SLCO2A1: variants seen among roughly 807,000 people sequenced by gnomAD.
SLCO2A1 encodes matrin F/G 1.
A neutral mutation model predicts 71.7 loss-of-function variants in SLCO2A1; 60 were observed. That is an observed-to-expected ratio of 0.84 (90% CI 0.68 to 1.04). The LOEUF is 1.04. Among genes scored for constraint, SLCO2A1 ranks in the 50% least tolerant of loss-of-function variants. The pLI is 0.00. For missense variants in SLCO2A1, 745 were observed against 813.4 expected (o/e 0.92, Z 1.02); for synonymous variants, 308 against 326.7 (o/e 0.94, Z 0.62).
intron 1 of SLCO2A1, among the ~76,000 whole-genome samples, chr3:134,015,466 T>C (rs1935429754): frequency 6.6e-6 from 1 of 152,002 alleles, no homozygotes; most frequent in Non-Finnish European, 1.5e-5. Context: ...TGGGGAGTGG[T>C]TGATCCAAGG....
At chr3:133,975,076 G>A (rs533359835) in intron 2 of SLCO2A1, among the ~76,000 whole-genome samples, 7 of 152,012 alleles carry the variant, frequency 4.6e-5, no homozygotes, top group African/African-American at 1.4e-4. Context: ...GCTCCTTCTC[G>A]GTCTTCTTGG....
intron 3 of SLCO2A1, among the ~76,000 whole-genome samples, chr3:133,964,518 C>G (rs56141154): frequency 0.099 from 15,097 of 152,166 alleles, 839 homozygotes; most frequent in Middle Eastern, 0.2. Context: ...AACTAGATAC[C>G]AGTAAGATCA....
intron 8 of SLCO2A1, among the ~76,000 whole-genome samples, 163 bp downstream of exon 8, chr3:133,948,373 C>T (rs1415355432): frequency 6.6e-6 from 1 of 152,194 alleles, no homozygotes; most frequent in Non-Finnish European, 1.5e-5. Flanking sequence ...TTCTAGATTG[C>T]CAACCAGGAA....
chr3:133,986,539 T>C (rs1382104823), intron 1 of SLCO2A1, among the ~76,000 whole-genome samples: 1 of 152,208 alleles, frequency 6.6e-6, no homozygotes, highest in Non-Finnish European at 1.5e-5. Flanking sequence ...CTCAGGCTTC[T>C]AACTGTCAAG....
intron 2 of SLCO2A1, among the ~76,000 whole-genome samples, chr3:133,975,677 C>A (rs1934425694): frequency 6.6e-6 from 1 of 152,184 alleles, no homozygotes; most frequent in South Asian, 2.1e-4. Context: ...GCCATACTGC[C>A]CCCAGCTGTT....
At chr3:134,020,130 G>A (rs1163691850) in intron 1 of SLCO2A1, among the ~76,000 whole-genome samples, 1 of 152,018 alleles carries the variant, frequency 6.6e-6, no homozygotes, top group Admixed American at 6.5e-5. Context: ...GCAGCCCCCA[G>A]TCACGCACCC....
chr3:133,997,272 G>A (rs1159414786), intron 1 of SLCO2A1, among the ~76,000 whole-genome samples: 1 of 152,156 alleles, frequency 6.6e-6, no homozygotes, highest in African/African-American at 2.4e-5. Flanking sequence ...GCAAAATGCT[G>A]AGGACATTCT....
intron 6 of SLCO2A1, among the ~76,000 whole-genome samples, chr3:133,949,485 C>T (rs1047168603): frequency 6.6e-6 from 1 of 152,176 alleles, no homozygotes; most frequent in Non-Finnish European, 1.5e-5. Flanking sequence ...CCTTTACCTG[C>T]ACTTTCTTGG....
chr3:134,026,504 C>T (rs543640219), intron 1 of SLCO2A1, among the ~76,000 whole-genome samples: 2 of 152,138 alleles, frequency 1.3e-5, no homozygotes, highest in African/African-American at 4.8e-5. Flanking sequence ...AAAAGAGAAG[C>T]ATAGCTATAG....
chr3:134,028,080 C>T (rs1935734944), intron 1 of SLCO2A1, among the ~76,000 whole-genome samples: 1 of 152,166 alleles, frequency 6.6e-6, no homozygotes, highest in African/African-American at 2.4e-5. Context: ...TTATATAGAT[C>T]TCCAAATAAA....
At chr3:133,982,525 C>G (rs931542051) in intron 1 of SLCO2A1, among the ~76,000 whole-genome samples, 1 of 152,206 alleles carries the variant, frequency 6.6e-6, no homozygotes. Context: ...TCATCTTCCC[C>G]CATAAACTGC....
At chr3:133,963,331 C>T (rs762262070) in intron 3 of SLCO2A1, among the ~76,000 whole-genome samples, 5 of 152,164 alleles carry the variant, frequency 3.3e-5, no homozygotes, top group East Asian at 1.9e-4. Flanking sequence ...TTCAGCGCTC[C>T]GTCCCACCCC....
intron 4 of SLCO2A1, 22 bp downstream of exon 4, chr3:133,954,944 C>T (rs770644568): frequency 3.7e-6 from 6 of 1,600,974 alleles, no homozygotes; most frequent in Non-Finnish European, 4.3e-6. Flanking sequence ...TCCCCAAAGC[C>T]CTCTTCAAGC....
chr3:133,978,358 G>A (rs1001354813), intron 2 of SLCO2A1, among the ~76,000 whole-genome samples: 1 of 152,144 alleles, frequency 6.6e-6, no homozygotes, highest in Non-Finnish European at 1.5e-5. Context: ...TTCTGATGCC[G>A]GGTTCCTTGT....
At chr3:133,938,096 G>A (rs1338342234) in intron 12 of SLCO2A1, among the ~76,000 whole-genome samples, 1 of 152,192 alleles carries the variant, frequency 6.6e-6, no homozygotes, top group East Asian at 1.9e-4. Context: ...TGGCTTGGCA[G>A]GAATGCAAAG....
At chr3:133,940,015 T>G (rs113954475) in intron 11 of SLCO2A1, among the ~76,000 whole-genome samples, 4,001 of 147,598 alleles carry the variant, frequency 0.027, 173 homozygotes, top group African/African-American at 0.095. Context: ...TCACCCAGGC[T>G]GGAGTGCAGT....
chr3:134,005,367 ATTGT>A (rs918820803), intron 1 of SLCO2A1, among the ~76,000 whole-genome samples: 25 of 151,006 alleles, frequency 1.7e-4, no homozygotes, highest in African/African-American at 6.1e-4. Context: ...TCTGTGTCAT[ATTGT>A]TTTAGATGTC....
chr3:134,023,454 C>T (rs1312031366), intron 1 of SLCO2A1, among the ~76,000 whole-genome samples: 1 of 152,194 alleles, frequency 6.6e-6, no homozygotes, highest in African/African-American at 2.4e-5. Context: ...TCCTGACTCT[C>T]CTCAGACTGG....
intron 2 of SLCO2A1, among the ~76,000 whole-genome samples, chr3:133,976,118 AG>A (rs1934440000): frequency 6.6e-6 from 1 of 152,238 alleles, no homozygotes; most frequent in Admixed American, 6.5e-5. Context: ...AGGAGGACAT[AG>A]TTGCCCAGGA....
Sources: allele counts gnomAD v4.1 joint callset (sites outside exome capture counted in the v4.1 genomes callset), GRCh38; gene constraint gnomAD v4.1.1; transcripts MANE v1.5; gene names NCBI Gene and HGNC (gene_info 2026-07-23, HGNC 2026-07-21).